Variants in ODF2L observed in about 807,000 individuals in gnomAD.
ODF2L encodes the protein protein BCAP.
In ODF2L, 76 loss-of-function variants were observed where a neutral mutation model predicts 86.3. The observed-to-expected ratio is 0.88, with a 90% confidence interval of 0.73 to 1.07. The LOEUF (loss-of-function observed/expected upper bound fraction) is 1.07. ODF2L is among the 50% of genes least tolerant of loss of function. The probability of loss-of-function intolerance (pLI) is 0.00; values close to 1 mark genes in which losing one functional copy is unlikely to be tolerated. For synonymous variants in ODF2L, 241 were observed against 231.3 expected, an observed-to-expected ratio of 1.04 and a Z score of -0.38; for missense variants, 748 against 717.4, an observed-to-expected ratio of 1.04 and a Z score of -0.49.
chr1:86,374,029 A>T (rs1305588819), intron 8 of ODF2L, among the ~76,000 whole-genome samples: 2 of 152,184 alleles, frequency 1.3e-5, no homozygotes, highest in African/African-American at 4.8e-5. Context: ...TACATTCTAC[A>T]TAAAAACACA....
intron 9 of ODF2L, among the ~76,000 whole-genome samples, chr1:86,371,960 G>A (rs1659813138): frequency 6.6e-6 from 1 of 152,090 alleles, no homozygotes; most frequent in Non-Finnish European, 1.5e-5. Context: ...GGCCGAGGCA[G>A]GCGGATCACA....
intron 7 of ODF2L, among the ~76,000 whole-genome samples, chr1:86,379,490 T>C (rs1315930824): frequency 6.6e-6 from 1 of 152,110 alleles, no homozygotes; most frequent in African/African-American, 2.4e-5. Flanking sequence ...TTTTAAAAAC[T>C]AGTTTAAAAA....
downstream of ODF2L, chr1:86,347,893 C>T (rs1379497259): frequency 6.6e-6 from 1 of 152,142 alleles, no homozygotes. Context: ...TCTTTTTCAA[C>T]TTGGACAACT....
exon 18 of ODF2L, chr1:86,351,842 C>G: frequency 1.0e-6 from 1 of 986,810 alleles, no homozygotes; most frequent in Non-Finnish European, 1.2e-6. Context: ...GTATTTTATT[C>G]TCTTTGTGGC....
chr1:86,354,597 T>C, exon 16 of ODF2L: 1 of 1,609,778 alleles, frequency 6.2e-7, no homozygotes. Flanking sequence ...TGCAGATTTC[T>C]CTTTAAACTT....
exon 4 of ODF2L, chr1:86,384,754 T>C (rs1171837502): frequency 1.3e-6 from 2 of 1,528,426 alleles, no homozygotes; most frequent in Non-Finnish European, 1.8e-6. Context: ...CTTTTATTAA[T>C]ATTTCCTTCT....
exon 4 of ODF2L, chr1:86,384,746 T>C (rs772215313): frequency 6.5e-7 from 1 of 1,527,490 alleles, no homozygotes; most frequent in Non-Finnish European, 8.8e-7. Context: ...GTCTAATTCT[T>C]TTATTAATAT....
rs1478021646 is a variant in ODF2L, at chr1:86,364,086, G to C, written c.1144-3550C>G. Among the ~76,000 whole-genome samples the C allele has an allele frequency of 3.4e-5, 5 of 148,720 alleles. No individual in the cohort carries two copies. In the South Asian group the frequency reaches 1.2e-3, roughly 36 times the overall value. Reference sequence around the variant, plus strand: ...CTTAACTATTAATAGAATATGCTAAGATACAAATTTAACTTTATGACTTTT... The same window carrying C: ...CTTAACTATTAATAGAATATGCTAACATACAAATTTAACTTTATGACTTTT... On this transcript the variant is annotated intron_variant, in intron 11 of 17. Transcript: ENST00000317336.
chr1:86,359,424 G>A (rs1441695164), intron 12 of ODF2L, among the ~76,000 whole-genome samples: 1 of 151,606 alleles, frequency 6.6e-6, no homozygotes, highest in Non-Finnish European at 1.5e-5. Context: ...CTAACTGGAT[G>A]TCTCAACTTA....
Position 86,355,028 on chromosome 1 carries a change from A to C in ODF2L, c.1519-169T>G, listed in dbSNP as rs947673731. ...GTTATATTGTTAAAATGGAAGTTTTAAATTCCTGGTTAAATTTAAAGAAGT... is the reference window on the plus strand; with the variant it reads ...GTTATATTGTTAAAATGGAAGTTTTCAATTCCTGGTTAAATTTAAAGAAGT... On this transcript the variant is annotated intron_variant, in intron 14 of 17. Coordinates refer to ENST00000317336, the Ensembl canonical transcript of ODF2L. The C allele has an allele frequency of 5.5e-6, 3 of 548,006 alleles. No individual in the cohort carries two copies. In the African/African-American group the frequency reaches 5.7e-5, roughly 10 times the overall value. The allele number at this position is 548,006 out of a possible 1,614,324, so 33.9% of individuals were successfully genotyped here.
chr1:86,354,480 G>T, intron 16 of ODF2L, 50 bp downstream of exon 15: 2 of 1,200,274 alleles, frequency 1.7e-6, no homozygotes, highest in South Asian at 1.4e-5. Context: ...TTAAAAAGAT[G>T]ACTCTTTGGT....
intron 1 of ODF2L, among the ~76,000 whole-genome samples, chr1:86,392,238 A>T (rs1256050396): frequency 2.0e-5 from 3 of 152,216 alleles, no homozygotes; most frequent in Non-Finnish European, 4.4e-5. Flanking sequence ...GTTGGTGGGA[A>T]TGTAAACTAG....
chr1:86,360,648 A>AT (rs1455941103), intron 11 of ODF2L, 112 bp from the exon 11 acceptor site: 1 of 513,610 alleles, frequency 1.9e-6, no homozygotes, highest in East Asian at 3.3e-5. Flanking sequence ...TAAAATAATT[A>AT]TTTTTTATTT....
At chr1:86,388,342 C>A (rs1661086103) in intron 1 of ODF2L, among the ~76,000 whole-genome samples, 1 of 152,062 alleles carries the variant, frequency 6.6e-6, no homozygotes, top group Non-Finnish European at 1.5e-5. Context: ...CCATCATCTA[C>A]TAATTCATTC....
chr1:86,383,800 G>A (rs1476818771), intron 4 of ODF2L, among the ~76,000 whole-genome samples: 1 of 151,702 alleles, frequency 6.6e-6, no homozygotes, highest in African/African-American at 2.4e-5. Context: ...ATCCATAAGT[G>A]TTCAAAGAGC....
intron 13 of ODF2L, among the ~76,000 whole-genome samples, chr1:86,357,164 C>T (rs1403438322): frequency 1.3e-5 from 2 of 152,148 alleles, no homozygotes; most frequent in Non-Finnish European, 2.9e-5. Flanking sequence ...ATTTCATCTA[C>T]ATTAATCTGT....
At chr1:86,384,891 A>G (rs1355429175) in intron 3 of ODF2L, 90 bp from the exon 4 acceptor site, 1 of 1,031,646 alleles carries the variant, frequency 9.7e-7, no homozygotes, top group African/African-American at 1.7e-5. Flanking sequence ...ATTTTTTCCT[A>G]CTAAACAAAA....
intron 16 of ODF2L, among the ~76,000 whole-genome samples, 153 bp from the exon 16 acceptor site, chr1:86,353,137 C>T (rs1479765429): frequency 6.6e-6 from 1 of 152,078 alleles, no homozygotes. Flanking sequence ...GCATATATAG[C>T]GTAAGTATAT....
chr1:86,366,004 G>A (rs910535820), intron 11 of ODF2L, among the ~76,000 whole-genome samples: 1 of 152,142 alleles, frequency 6.6e-6, no homozygotes, highest in Admixed American at 6.6e-5. Context: ...ACAGAGGGAC[G>A]GTGCTGGCGA....
Sources: gnomAD v4.1 joint callset for allele counts (sites outside exome capture counted in the v4.1 genomes callset) on GRCh38, gnomAD v4.1.1 for gene constraint, MANE v1.5 for transcripts, NCBI Gene and HGNC (gene_info 2026-07-23, HGNC 2026-07-21) for gene names.